ASB18: variants seen among roughly 807,000 people sequenced by gnomAD.
The protein encoded by ASB18 is ankyrin repeat and SOCS box protein 18.
In ASB18, 33 loss-of-function variants were observed where a neutral mutation model predicts 33.4. The ratio of observed to expected loss-of-function variants is 0.99; its 90% CI spans 0.75 to 1.32. The LOEUF (loss-of-function observed/expected upper bound fraction) is 1.32, where lower values mean the gene tolerates loss of function less well. Among genes scored for constraint, ASB18 ranks in the 40% most tolerant of loss-of-function variants. The pLI is 0.00. For synonymous variants in ASB18, 295 were observed against 307.6 expected, an observed-to-expected ratio of 0.96 and a Z score of 0.43; for missense variants, 694 against 655.5, an observed-to-expected ratio of 1.06 and a Z score of -0.64.
rs1333562731 is a variant in ASB18 at position 236,214,798 on chromosome 2, G to T, written c.665C>A (p.Pro222Gln). The T allele has an allele frequency of 1.7e-6, 2 of 1,208,076 alleles. No homozygotes were observed. Among genetic ancestry groups the T allele is most frequent in the Admixed American group, 4.5e-5 (1 of 22,384 alleles). 74.8% of individuals were successfully genotyped at this position (1,208,076 alleles called of 1,614,324 possible). Residue 222 changes from proline to glutamine, a missense_variant, in exon 4 of 6, where the codon CCG becomes CAG. By Grantham distance (76) the Pro-to-Gln change is moderately conservative (BLOSUM62 -1). Transcript: ENST00000409749. This position sits in a 1 kb window ranked among gnomAD's most constrained non-coding sequence, Gnocchi z 6.5. ...GCCGCGCTGCGCCGCCACGTGCAGC[G>T]GCGTGTCCCGGCCCGTGCCGCCCAC... ...QRVGGTGRDTPLHVAAQRGLD... is the reference protein window; with the variant it reads ...QRVGGTGRDTQLHVAAQRGLD...
At chr2:236,258,335 C>T (rs1013109806) in intron 1 of ASB18, among the ~76,000 whole-genome samples, 1 of 152,160 alleles carries the variant, frequency 6.6e-6, no homozygotes, top group Admixed American at 6.5e-5. Flanking sequence ...TGATCCAGAC[C>T]AATCCATTTT....
In ASB18 at chr2:236,241,941, T is replaced by C. The variant is rs1364783893; in HGVS notation, c.206-539A>G. Among the ~76,000 whole-genome samples, 1 of 152,228 alleles carries C rather than the reference T, an allele frequency of 6.6e-6. No homozygotes were observed. Among genetic ancestry groups the C allele is most frequent in the Non-Finnish European group, 1.5e-5 (1 of 68,042 alleles). ...AGTGACTCACTTACAAAAATGACTTTGGTGACCAGAATACTTAGCAAATAA... is the reference window on the plus strand; with the variant it reads ...AGTGACTCACTTACAAAAATGACTTCGGTGACCAGAATACTTAGCAAATAA... On this transcript the variant is annotated intron_variant, in intron 1 of 5. Coordinates refer to ENST00000409749, the MANE Select transcript of ASB18 (RefSeq NM_212556.4). This position sits in a 1 kb window ranked among gnomAD's most constrained non-coding sequence, Gnocchi z 4.2.
chr2:236,214,197 G>C lies in ASB18; in HGVS notation c.1101+165C>G. On this transcript the variant is annotated intron_variant, in intron 4 of 5. Coordinates refer to ENST00000409749, the MANE Select transcript of ASB18 (RefSeq NM_212556.4). The surrounding 1 kb of genome is among the most constrained non-coding windows in gnomAD (Gnocchi z 6.5). Reference sequence around the variant, plus strand: ...ACCCGGGAGCTTGTTGGCAATGCAGGCTCTCCCACCCCAGACCGGCAGAGC... The same window carrying C: ...ACCCGGGAGCTTGTTGGCAATGCAGCCTCTCCCACCCCAGACCGGCAGAGC... 2.8e-6 allele frequency: 2 copies of C among 726,400 alleles called. No individual in the cohort carries two copies. Among genetic ancestry groups the C allele is most frequent in the Non-Finnish European group, 4.3e-6 (2 of 466,684 alleles). The allele number at this position is 726,400 out of a possible 1,614,324, so 45.0% of individuals were successfully genotyped here. A position where few individuals can be genotyped will look rare whatever the true frequency, so the allele number is the denominator to read the frequency against.
intron 1 of ASB18, among the ~76,000 whole-genome samples, chr2:236,261,702 A>G (rs1225300698): frequency 6.6e-6 from 1 of 152,220 alleles, no homozygotes; most frequent in Non-Finnish European, 1.5e-5. Flanking sequence ...TCCTGCTGAT[A>G]AAGACATACC....
rs558739223 is a variant in ASB18, at chr2:236,223,577, C to T, written c.597-8711G>A. Among the ~76,000 whole-genome samples, 1 of 152,250 alleles carries T rather than the reference C, an allele frequency of 6.6e-6. No homozygotes were observed. Among genetic ancestry groups the T allele is most frequent in the Non-Finnish European group, 1.5e-5 (1 of 68,020 alleles). ...TGTGAGGTACACACGCAGAAATGCACAGGTCTTAAGAGCACAATTGAATGA... is the reference window on the plus strand; with the variant it reads ...TGTGAGGTACACACGCAGAAATGCATAGGTCTTAAGAGCACAATTGAATGA... On this transcript the variant is annotated intron_variant, in intron 3 of 5. Transcript: ENST00000409749. This position sits in a 1 kb window ranked among gnomAD's most constrained non-coding sequence, Gnocchi z 4.6.
rs1196053074 is a variant in ASB18 at position 236,196,080 on chromosome 2, A to G, written c.1215+192T>C. 3.2e-6 allele frequency: 2 copies of G among 618,050 alleles called. No homozygotes were observed. Among genetic ancestry groups the G allele is most frequent in the African/African-American group, 3.7e-5 (2 of 54,060 alleles). The allele number at this position is 618,050 out of a possible 1,614,324, so 38.3% of individuals were successfully genotyped here. The stretch of plus-strand genomic sequence containing the variant: ...AGGCCATGGCACCGCAACTACTATA[A>G]CAAGCTCCTGGCTGTGTGATTATGG... On this transcript the variant is annotated intron_variant, in intron 5 of 5. Coordinates refer to ENST00000409749, the MANE Select transcript of ASB18 (RefSeq NM_212556.4). The surrounding 1 kb of genome is among the most constrained non-coding windows in gnomAD (Gnocchi z 5.6).
In ASB18 at chr2:236,250,824, C is replaced by T. The variant is rs959571647; in HGVS notation, c.206-9422G>A. On this transcript the variant is annotated intron_variant, in intron 1 of 5. Coordinates refer to ENST00000409749, the MANE Select transcript of ASB18 (RefSeq NM_212556.4). The surrounding 1 kb of genome is among the most constrained non-coding windows in gnomAD (Gnocchi z 4.1). ...TTAAGAGTTCCAGGACACATCCATC[C>T]ACCAGAGTTAGTCACATAGACATTA... 6.6e-6 allele frequency: 1 copy of T among 152,198 alleles called. No individual in the cohort carries two copies. The highest frequency in any genetic ancestry group is 2.4e-5 in the African/African-American group (1 of 41,456). The allele number at this position is 152,198 out of a possible 1,614,324, so 9.4% of individuals were successfully genotyped here.
chr2:236,232,039 AACT>A (rs2060568340), intron 3 of ASB18, among the ~76,000 whole-genome samples: 1 of 152,226 alleles, frequency 6.6e-6, no homozygotes, highest in Non-Finnish European at 1.5e-5. Context: ...TACTACATTG[AACT>A]ACTGCAGAAT....
rs921411033 is a variant in ASB18, at chr2:236,226,277, G to A, written c.597-11411C>T. The stretch of plus-strand genomic sequence containing the variant: ...ATATTGAAGGGATTCTAAGTCAGCT[G>A]TTACAGAGTTCTGCCTGAAATGCTG... On this transcript the variant is annotated intron_variant, in intron 3 of 5. Coordinates refer to ENST00000409749, the MANE Select transcript of ASB18 (RefSeq NM_212556.4). This position sits in a 1 kb window ranked among gnomAD's most constrained non-coding sequence, Gnocchi z 4.8. 1.3e-5 allele frequency among the ~76,000 whole-genome samples: 2 copies of A among 152,144 alleles called. No individual in the cohort carries two copies. The highest frequency in any genetic ancestry group is 2.9e-5 in the Non-Finnish European group (2 of 68,038).
rs1351394650 is a variant in ASB18 at position 236,221,199 on chromosome 2, C to A, written c.597-6333G>T. On this transcript the variant is annotated intron_variant, in intron 3 of 5. Coordinates refer to ENST00000409749, the MANE Select transcript of ASB18 (RefSeq NM_212556.4). The surrounding 1 kb of genome is among the most constrained non-coding windows in gnomAD (Gnocchi z 5.6). Reference sequence around the variant, plus strand: ...GTGAATACAAGGACTCCACAACCACCAAAAGATGATGCTGACTGAGCAATG... The same window carrying A: ...GTGAATACAAGGACTCCACAACCACAAAAAGATGATGCTGACTGAGCAATG... Among the ~76,000 whole-genome samples the A allele has an allele frequency of 6.7e-6, 1 of 150,228 alleles. No homozygotes were observed. The highest frequency in any genetic ancestry group is 2.5e-5 in the African/African-American group (1 of 40,010).
rs2060686363 is a variant in ASB18, at chr2:236,255,150, TTTTC to T, written c.205+8987_205+8990del. 6.6e-6 allele frequency among the ~76,000 whole-genome samples: 1 copy of T among 152,278 alleles called. No individual in the cohort carries two copies. The highest frequency in any genetic ancestry group is 2.1e-4 in the South Asian group (1 of 4,816). ...TCTGGTATTTCTTTCTTTTTCTTTT[TTTTC>T]TTTCTTTGAGACGGAGTCTCATTCT... On this transcript the variant is annotated intron_variant, in intron 1 of 5. Coordinates refer to ENST00000409749, the MANE Select transcript of ASB18 (RefSeq NM_212556.4). The surrounding 1 kb of genome is among the most constrained non-coding windows in gnomAD (Gnocchi z 4.4).
rs139555792 is a variant in ASB18 at position 236,196,082 on chromosome 2, A to T, written c.1215+190T>A. On this transcript the variant is annotated intron_variant, in intron 5 of 5. Coordinates refer to ENST00000409749, the MANE Select transcript of ASB18 (RefSeq NM_212556.4). The surrounding 1 kb of genome is among the most constrained non-coding windows in gnomAD (Gnocchi z 5.6). ...GCCATGGCACCGCAACTACTATAAC[A>T]AGCTCCTGGCTGTGTGATTATGGAG... is the stretch of plus-strand genomic sequence containing the variant. 9.8e-5 allele frequency: 61 copies of T among 620,408 alleles called. No homozygotes were observed. Among genetic ancestry groups the T allele is most frequent in the African/African-American group, 7.0e-4 (38 of 54,200 alleles). 38.4% of individuals were successfully genotyped at this position (620,408 alleles called of 1,614,324 possible). A position where few individuals can be genotyped will look rare whatever the true frequency, so the allele number is the denominator to read the frequency against.
Position 236,238,316 on chromosome 2 carries a change from A to G in ASB18, c.329-360T>C, listed in dbSNP as rs2060605885. On this transcript the variant is annotated intron_variant, in intron 2 of 5. Coordinates refer to ENST00000409749, the MANE Select transcript of ASB18 (RefSeq NM_212556.4). This position sits in a 1 kb window ranked among gnomAD's most constrained non-coding sequence, Gnocchi z 5.2. Reference sequence around the variant, plus strand: ...AGCAGGGTGCACGGTAGGCGAATTTAAGTGAGGAATTCACGTGTTCCAGGC... The same window carrying G: ...AGCAGGGTGCACGGTAGGCGAATTTGAGTGAGGAATTCACGTGTTCCAGGC... 6.6e-6 allele frequency among the ~76,000 whole-genome samples: 1 copy of G among 152,140 alleles called. No individual in the cohort carries two copies. The highest frequency in any genetic ancestry group is 2.4e-5 in the African/African-American group (1 of 41,436).
intron 3 of ASB18, among the ~76,000 whole-genome samples, chr2:236,236,471 TAA>T: frequency 6.6e-6 from 1 of 152,262 alleles, no homozygotes; most frequent in East Asian, 1.9e-4. Flanking sequence ...CACGAGTGTA[TAA>T]GTCTGCGGAA....
rs963591317 is a variant in ASB18, at chr2:236,208,592, T to A, written c.1101+5770A>T. On this transcript the variant is annotated intron_variant, in intron 4 of 5. Transcript: ENST00000409749. The surrounding 1 kb of genome is among the most constrained non-coding windows in gnomAD (Gnocchi z 7.7). The stretch of plus-strand genomic sequence containing the variant: ...CACCCTGGGAAGAGGTGCCCTCCAT[T>A]AGAGCAAAAGCACCACCTCCTCCCG... Among the ~76,000 whole-genome samples the A allele has an allele frequency of 6.6e-6, 1 of 151,998 alleles. No homozygotes were observed. Among genetic ancestry groups the A allele is most frequent in the Non-Finnish European group, 1.5e-5 (1 of 67,986 alleles).
Position 236,237,755 on chromosome 2 carries a change from T to C in ASB18, c.530A>G (p.Asp177Gly). 1 of 1,456,068 alleles carries C rather than the reference T, an allele frequency of 6.9e-7. No individual in the cohort carries two copies. The highest frequency in any genetic ancestry group is 9.0e-7 in the Non-Finnish European group (1 of 1,109,738). The allele number at this position is 1,456,068 out of a possible 1,614,324, so 90.2% of individuals were successfully genotyped here. The change falls in exon 3 of 6, where the codon GAC becomes GGC. Residue 177 changes from aspartate (D) to glycine (G), a missense_variant. Asp to Gly is a moderately conservative substitution (Grantham distance 94). Transcript: ENST00000409749. The surrounding 1 kb of genome is among the most constrained non-coding windows in gnomAD (Gnocchi z 6.2). Reference protein sequence around the residue: ...CVRLLLQHRADPDLLSAEGLA... With the variant: ...CVRLLLQHRAGPDLLSAEGLA... ...GCCCTCGGCGCTGAGCAGGTCGGGGTCGGCGCGGTGCTGCAGCAGCAGGCG... is the reference window on the plus strand; with the variant it reads ...GCCCTCGGCGCTGAGCAGGTCGGGGCCGGCGCGGTGCTGCAGCAGCAGGCG...
rs1363398923 is a variant in ASB18 at position 236,214,819 on chromosome 2, C to G, written c.644G>C (p.Gly215Ala). The G allele has an allele frequency of 2.5e-6, 3 of 1,213,812 alleles. No individual in the cohort carries two copies. In the African/African-American group the frequency reaches 4.7e-5, roughly 19 times the overall value. The allele number at this position is 1,213,812 out of a possible 1,614,324, so 75.2% of individuals were successfully genotyped here. Residue 215 changes from glycine (G) to alanine (A), a missense_variant, in exon 4 of 6, where the codon GGC becomes GCC. By Grantham distance (60) the Gly-to-Ala change is moderately conservative. Transcript: ENST00000409749. The surrounding 1 kb of genome is among the most constrained non-coding windows in gnomAD (Gnocchi z 6.5). ...LEHGASVQRV[G>A]GTGRDTPLHV... ...CAGCGGCGTGTCCCGGCCCGTGCCG[C>G]CCACGCGCTGCACCGAGGCCCCGTG...
chr2:236,213,783 C>G lies in ASB18; in HGVS notation c.1101+579G>C, dbSNP rs569846903. 1 of 154,768 alleles carries G rather than the reference C, an allele frequency of 6.5e-6. No homozygotes were observed. The highest frequency in any genetic ancestry group is 1.9e-4 in the East Asian group (1 of 5,188). The allele number at this position is 154,768 out of a possible 1,614,324, so 9.6% of individuals were successfully genotyped here. A position where few individuals can be genotyped will look rare whatever the true frequency, so the allele number is the denominator to read the frequency against. On this transcript the variant is annotated intron_variant, in intron 4 of 5. Transcript: ENST00000409749. This position sits in a 1 kb window ranked among gnomAD's most constrained non-coding sequence, Gnocchi z 4.8. ...ACCTGGGCAGGGCACTTCACCTGAC[C>G]GAACCCCAGGTAGAGGGAGAATATC...
Position 236,259,496 on chromosome 2 carries a change from C to A in ASB18, c.205+4645G>T. 1 of 470,888 alleles carries A rather than the reference C, an allele frequency of 2.1e-6. No homozygotes were observed. Among genetic ancestry groups the A allele is most frequent in the Non-Finnish European group, 4.4e-6 (1 of 226,900 alleles). 29.2% of individuals were successfully genotyped at this position (470,888 alleles called of 1,614,324 possible). A position where few individuals can be genotyped will look rare whatever the true frequency, so the allele number is the denominator to read the frequency against. On this transcript the variant is annotated intron_variant, in intron 1 of 5. Coordinates refer to ENST00000409749, the MANE Select transcript of ASB18 (RefSeq NM_212556.4). This position sits in a 1 kb window ranked among gnomAD's most constrained non-coding sequence, Gnocchi z 4.4. Reference sequence around the variant, plus strand: ...ATGGATGGAGACTAAGGGCTTTATGCTTTCATGCAGGGAGGATGCACGATT... The same window carrying A: ...ATGGATGGAGACTAAGGGCTTTATGATTTCATGCAGGGAGGATGCACGATT...
Sources: allele counts gnomAD v4.1 joint callset (sites outside exome capture counted in the v4.1 genomes callset), GRCh38; gene constraint gnomAD v4.1.1; non-coding constraint Gnocchi (gnomAD v3.1); transcripts MANE v1.5; gene names NCBI Gene and HGNC (gene_info 2026-07-23, HGNC 2026-07-21).